Variants in PEDS1 observed in about 807,000 individuals in gnomAD.
PEDS1 encodes the protein CarF homolog.
PEDS1 carries 14 observed loss-of-function variants against 35.2 expected under a neutral mutation model. The ratio of observed to expected loss-of-function variants is 0.40; its 90% confidence interval spans 0.26 to 0.62. The LOEUF (loss-of-function observed/expected upper bound fraction) is 0.62. PEDS1 is among the 20% of genes least tolerant of loss of function. The pLI is 0.44. For missense variants in PEDS1, 260 were observed against 367.8 expected (o/e 0.71, Z 2.40); for synonymous variants, 152 against 152.0 (o/e 1.00, Z 0.00).
intron 2 of PEDS1, among the ~76,000 whole-genome samples, chr20:50,134,741 T>C (rs1470869345): frequency 2.0e-5 from 3 of 152,184 alleles, no homozygotes; most frequent in South Asian, 2.1e-4. Context: ...TATGTTATAA[T>C]TGAATATAAC....
intron 2 of PEDS1, among the ~76,000 whole-genome samples, chr20:50,137,554 ACACACCTGACTAG>A (rs1488447782): frequency 6.6e-6 from 1 of 152,154 alleles, no homozygotes; most frequent in African/African-American, 2.4e-5. Flanking sequence ...GCAGCCTACA[ACACACCTGACTAG>A]CACTCCTCAA....
At chr20:50,153,435 G>C in intron 1 of PEDS1, 82 bp downstream of exon 1, 1 of 1,239,858 alleles carries the variant, frequency 8.1e-7, no homozygotes, top group Non-Finnish European at 1.0e-6. Flanking sequence ...ATCTGGGCCC[G>C]AGGTTGGGAC....
At chr20:50,151,853 C>T (rs562444021) in intron 1 of PEDS1, among the ~76,000 whole-genome samples, 3 of 152,098 alleles carry the variant, frequency 2.0e-5, no homozygotes, top group African/African-American at 7.2e-5. Context: ...AGTGAGACTC[C>T]ATCTCAAAAC....
rs1260881486 is a variant in PEDS1, at chr20:50,121,616, A to G, written c.*3442T>C. 6.6e-6 allele frequency: 1 copy of G among 152,154 alleles called. No individual in the cohort carries two copies. Among genetic ancestry groups the G allele is most frequent in the Non-Finnish European group, 1.5e-5 (1 of 68,026 alleles). 9.4% of individuals were successfully genotyped at this position (152,154 alleles called of 1,614,324 possible). On this transcript the variant is annotated 3_prime_UTR_variant, in exon 6 of 6. Coordinates refer to ENST00000371652, the MANE Select transcript of PEDS1 (RefSeq NM_199129.4). ...TTGTTTGCAAGTCCCTGATCTCACA[A>G]GTGGCCCCAACACTCTCAGACCCAA...
intron 2 of PEDS1, among the ~76,000 whole-genome samples, chr20:50,137,373 C>T (rs549316959): frequency 3.9e-5 from 6 of 152,334 alleles, no homozygotes; most frequent in South Asian, 2.1e-4. Context: ...ACTCTGACAT[C>T]TGCTACCTTA....
chr20:50,139,465 C>T (rs550834298), intron 2 of PEDS1, among the ~76,000 whole-genome samples: 2 of 152,002 alleles, frequency 1.3e-5, no homozygotes, highest in South Asian at 2.1e-4. Context: ...CTCCTGGAAA[C>T]ACATTCTCCT....
intron 2 of PEDS1, among the ~76,000 whole-genome samples, chr20:50,132,440 T>A (rs1392071552): frequency 6.6e-6 from 1 of 152,176 alleles, no homozygotes; most frequent in East Asian, 1.9e-4. Flanking sequence ...CTTGCATGCC[T>A]CTGGGTCTTT....
Position 50,142,691 on chromosome 20 carries a change from C to A in PEDS1, c.241+811G>T, listed in dbSNP as rs569655123. Among the ~76,000 whole-genome samples, 37 of 100,620 alleles carry A rather than the reference C, an allele frequency of 3.7e-4. 3 individuals are homozygous for A. The highest frequency in any genetic ancestry group is 7.6e-4 in the African/African-American group (21 of 27,514). The allele number at this position is 100,620 out of a possible 152,430, so 66.0% of individuals were successfully genotyped here. On this transcript the variant is annotated intron_variant, in intron 2 of 5. Transcript: ENST00000371652. ...TGACCTCAAGTCATCCGCCCCCCCC[C>A]CCCCGCCCCAACGGCCTCCCACAGT...
At chr20:50,147,180 A>G (rs1377945830) in intron 1 of PEDS1, among the ~76,000 whole-genome samples, 2 of 152,236 alleles carry the variant, frequency 1.3e-5, no homozygotes, top group African/African-American at 4.8e-5. Flanking sequence ...TGTGGCCCAT[A>G]TCGGAGAGGT....
chr20:50,143,612 A>C lies in PEDS1; in HGVS notation c.131T>G (p.Leu44Arg). 1 of 1,613,950 alleles carries C rather than the reference A, an allele frequency of 6.2e-7. No homozygotes were observed. The highest frequency in any genetic ancestry group is 8.5e-7 in the Non-Finnish European group (1 of 1,179,936). Residue 44 changes from leucine to arginine, a missense_variant, in exon 2 of 6, where the codon CTC (leucine) becomes CGC (arginine). By Grantham distance (102) the Leu-to-Arg change is moderately radical (BLOSUM62 -2). This residue lies in a region of PEDS1 where 114 missense variants were observed against 121.6 expected (regional missense o/e 0.94). Transcript: ENST00000371652. ...CAGGATCACAGAGCACCACTCCTGG[A>C]GGCGCTTGCCTGCAGGGAGCAGAGG... ...LAALYSPGKRLQEWCSVILCF... is the reference protein window; with the variant it reads ...LAALYSPGKRRQEWCSVILCF...
intron 2 of PEDS1, among the ~76,000 whole-genome samples, chr20:50,140,817 G>A (rs953442855): frequency 8.5e-5 from 13 of 152,304 alleles, no homozygotes; most frequent in African/African-American, 2.9e-4. Context: ...GGCTCTGCAG[G>A]CTGGCACAGT....
chr20:50,144,537 G>C (rs1346539608), intron 1 of PEDS1, among the ~76,000 whole-genome samples: 1 of 152,222 alleles, frequency 6.6e-6, no homozygotes, highest in African/African-American at 2.4e-5. Flanking sequence ...GTCAGGCTTT[G>C]GGTGTGCAAT....
intron 1 of PEDS1, among the ~76,000 whole-genome samples, chr20:50,147,488 A>C (rs566855032): frequency 6.6e-6 from 1 of 152,154 alleles, no homozygotes; most frequent in Non-Finnish European, 1.5e-5. Context: ...TCATTCAAGT[A>C]TCAGCCCGTC....
chr20:50,142,705 G>T (rs1193043817), intron 2 of PEDS1, among the ~76,000 whole-genome samples: 1 of 37,032 alleles, frequency 2.7e-5, no homozygotes, highest in Non-Finnish European at 5.7e-5. Flanking sequence ...CGCCCCAACG[G>T]CCTCCCACAG....
intron 1 of PEDS1, 119 bp from the exon 2 acceptor site, chr20:50,143,740 C>G: frequency 6.9e-7 from 1 of 1,451,752 alleles, no homozygotes; most frequent in Non-Finnish European, 9.1e-7. Context: ...CTCTATCACC[C>G]AGGCTGGAGT....
rs897502933 is a variant in PEDS1 at position 50,153,698 on chromosome 20, A to C, written c.-61T>G. Reference sequence around the variant, plus strand: ...GCGGCGGCGGCGGCAGGGCCGCGGAACCGCGGCGAGATCACGCCGCCCAAT... The same window carrying C: ...GCGGCGGCGGCGGCAGGGCCGCGGACCCGCGGCGAGATCACGCCGCCCAAT... On this transcript the variant is annotated 5_prime_UTR_variant, in exon 1 of 6. Transcript: ENST00000371652. 1 of 1,177,844 alleles carries C rather than the reference A, an allele frequency of 8.5e-7. No individual in the cohort carries two copies. The highest frequency in any genetic ancestry group is 1.0e-6 in the Non-Finnish European group (1 of 953,914). 73.0% of individuals were successfully genotyped at this position (1,177,844 alleles called of 1,614,324 possible). A position where few individuals can be genotyped will look rare whatever the true frequency, so the allele number is the denominator to read the frequency against.
rs554117147 is a variant in PEDS1 at position 50,152,440 on chromosome 20, TCCCAG to T, written c.121+1072_121+1076del. 5.2e-4 allele frequency among the ~76,000 whole-genome samples: 79 copies of T among 152,290 alleles called. No homozygotes were observed. In the Middle Eastern group the frequency reaches 0.01, roughly 20 times the overall value. The stretch of plus-strand genomic sequence containing the variant: ...ATGGTGACACCCAGGTAGAGGTGCC[TCCCAG>T]TCACCTGAACCAGGAGTTCTCAAAG... On this transcript the variant is annotated intron_variant, in intron 1 of 5. Coordinates refer to ENST00000371652, the MANE Select transcript of PEDS1 (RefSeq NM_199129.4).
In PEDS1 at chr20:50,120,295, A is replaced by ACAAACAAC. The variant is rs933426799; in HGVS notation, c.*4762_*4763insGTTGTTTG. ...AACAAACAAACAAACAAACAAACAA[A>ACAAACAAC]CAACCCACAAAAGCTTCTGAGCTAT... is the stretch of plus-strand genomic sequence containing the variant. On this transcript the variant is annotated 3_prime_UTR_variant, in exon 6 of 6. Coordinates refer to ENST00000371652, the MANE Select transcript of PEDS1 (RefSeq NM_199129.4). The ACAAACAAC allele has an allele frequency of 9.2e-6, 2 of 217,426 alleles. No individual in the cohort carries two copies. The highest frequency in any genetic ancestry group is 2.3e-5 in the African/African-American group (1 of 43,230). 13.5% of individuals were successfully genotyped at this position (217,426 alleles called of 1,614,324 possible).
chr20:50,129,560 C>A lies in PEDS1; in HGVS notation c.464G>T (p.Arg155Leu), dbSNP rs768840504. The A allele has an allele frequency of 1.3e-5, 21 of 1,614,096 alleles. 1 individual carries two copies. The highest frequency in any genetic ancestry group is 8.8e-5 in the South Asian group (8 of 91,068). Residue 155 changes from arginine to leucine, a missense_variant, in exon 4 of 6, where the codon CGC becomes CTC. Coordinates refer to ENST00000371652, the MANE Select transcript of PEDS1 (RefSeq NM_199129.4). This position sits in a 1 kb window ranked among gnomAD's most constrained non-coding sequence, Gnocchi z 4.2. ...GGGTGTCTCACCAGGGCTGTGGGTG[C>A]GGAACTTGTAGGCCATGTTTAGCAG... ...LPLLNMAYKF[R>L]THSPEALEQL...
Sources: gnomAD v4.1 joint callset for allele counts (sites outside exome capture counted in the v4.1 genomes callset) on GRCh38, gnomAD v4.1.1 for gene constraint, gnomAD v4.1.1 regional missense constraint, Gnocchi (gnomAD v3.1) non-coding constraint, MANE v1.5 for transcripts, NCBI Gene and HGNC (gene_info 2026-07-23, HGNC 2026-07-21) for gene names.